Variants in PALMD observed in about 807,000 individuals in gnomAD.
The protein encoded by PALMD is palmdelphin, also known as paralemmin-like protein.
In PALMD, 42 loss-of-function variants were observed where a neutral mutation model predicts 56.2. The observed-to-expected ratio is 0.75, with a 90% CI of 0.58 to 0.97. The LOEUF is 0.97. PALMD is among the 50% of genes least tolerant of loss of function. The pLI is 0.00. For synonymous variants in PALMD, 242 were observed against 222.9 expected, an observed-to-expected ratio of 1.09 and a Z score of -0.76; for missense variants, 660 against 643.8, an observed-to-expected ratio of 1.03 and a Z score of -0.27.
chr1:99,652,731 AAAAGAAAAG>A (rs55727511), intron 1 of PALMD, among the ~76,000 whole-genome samples: 15,335 of 104,986 alleles, frequency 0.15, 955 homozygotes, highest in Middle Eastern at 0.18. Context: ...AAAAGAAAAG[AAAAGAAAAG>A]AAAGAAAACT....
At chr1:99,677,883 T>C (rs990386541) in intron 3 of PALMD, among the ~76,000 whole-genome samples, 14 of 152,180 alleles carry the variant, frequency 9.2e-5, no homozygotes, top group Non-Finnish European at 1.9e-4. Flanking sequence ...TCCTCATACA[T>C]ATTATTACAA....
intron 1 of PALMD, among the ~76,000 whole-genome samples, chr1:99,652,929 T>C (rs1336863702): frequency 6.6e-6 from 1 of 152,166 alleles, no homozygotes; most frequent in Non-Finnish European, 1.5e-5. Context: ...GAAGAGACTG[T>C]GGTGTCATTT....
intron 1 of PALMD, among the ~76,000 whole-genome samples, chr1:99,654,701 A>G (rs904819751): frequency 6.6e-6 from 1 of 152,194 alleles, no homozygotes; most frequent in African/African-American, 2.4e-5. Context: ...TATAAATCTT[A>G]TATAACATTA....
At chr1:99,684,235 TG>T (rs1653436405) in intron 3 of PALMD, 1 of 152,140 alleles carries the variant, frequency 6.6e-6, no homozygotes, top group African/African-American at 2.4e-5. Flanking sequence ...AAGCTAAAAA[TG>T]GTTTTTATAT....
chr1:99,673,885 G>A (rs770084445), intron 3 of PALMD, among the ~76,000 whole-genome samples: 13 of 152,110 alleles, frequency 8.5e-5, no homozygotes, highest in African/African-American at 2.2e-4. Context: ...AATAGATGAC[G>A]TATAGATGAA....
chr1:99,688,884 A>G lies in PALMD; in HGVS notation c.624A>G (p.Lys208=). ...PSDDFKGTGI[K]VYDDGQKSVY... ...ATGACTTTAAAGGTACAGGAATAAA[A>G]GTTTATGATGATGGGCAAAAGTCAG... Residue 208 remains lysine, a synonymous_variant, in exon 7 of 8, where the codon AAA becomes AAG. Transcript: ENST00000263174. 1 of 1,613,724 alleles carries G rather than the reference A, an allele frequency of 6.2e-7. No individual in the cohort carries two copies. Among genetic ancestry groups the G allele is most frequent in the Non-Finnish European group, 8.5e-7 (1 of 1,179,668 alleles).
intron 1 of PALMD, among the ~76,000 whole-genome samples, chr1:99,648,424 C>T (rs893861590): frequency 4.6e-5 from 7 of 152,124 alleles, no homozygotes; most frequent in Admixed American, 3.9e-4. Context: ...CTCTTTCCCC[C>T]TAGGAAAATA....
At position 99,667,842 on chromosome 1, in the gene PALMD, C is replaced by T. The variant is rs1050968874; in HGVS notation, c.251+76C>T. The stretch of plus-strand genomic sequence containing the variant: ...CCATGTTGTGCATAGACATGCCATT[C>T]TCACTTTCAGGGGCATAATCAAATC... On this transcript the variant is annotated intron_variant, in intron 3 of 7. Coordinates refer to ENST00000263174, the MANE Select transcript of PALMD (RefSeq NM_017734.5). The T allele has an allele frequency of 4.6e-6, 6 of 1,298,712 alleles. No homozygotes were observed. In the African/African-American group the frequency reaches 7.5e-5, roughly 16 times the overall value. The allele number at this position is 1,298,712 out of a possible 1,614,324, so 80.4% of individuals were successfully genotyped here.
rs1002728378 is a variant in PALMD at position 99,677,515 on chromosome 1, C to T, written c.252-9161C>T. On this transcript the variant is annotated intron_variant, in intron 3 of 7. Coordinates refer to ENST00000263174, the MANE Select transcript of PALMD (RefSeq NM_017734.5). ...TGCTTTGCTACCTCCTAAGGGATGC[C>T]CTTGGCTATACAGTCAAAGCCAGCT... Among the ~76,000 whole-genome samples the T allele has an allele frequency of 5.3e-5, 8 of 152,148 alleles. 1 individual carries two copies. In the South Asian group the frequency reaches 1.0e-3, roughly 20 times the overall value.
intron 1 of PALMD, among the ~76,000 whole-genome samples, chr1:99,656,106 G>A (rs192887092): frequency 9.2e-5 from 14 of 152,216 alleles, no homozygotes; most frequent in South Asian, 2.1e-4. Flanking sequence ...AACTCTCAGT[G>A]ATAGCAAATG....
At position 99,686,726 on chromosome 1, in the gene PALMD, C is replaced by A; in HGVS notation, c.302C>A (p.Thr101Lys). 6.2e-7 allele frequency: 1 copy of A among 1,609,210 alleles called. No homozygotes were observed. The highest frequency in any genetic ancestry group is 8.5e-7 in the Non-Finnish European group (1 of 1,176,766). ...GAAAAAGCTGAACTGCAAATCTCAA[C>A]GAAGGAAGAGGCCATTTTAAAGAAA... ...DLEKAELQIS[T>K]KEEAILKKLK... The change falls in exon 4 of 8, where the codon ACG (threonine) becomes AAG (lysine). Residue 101 changes from threonine (T) to lysine (K), a missense_variant. Thr to Lys is a moderately conservative substitution (Grantham distance 78). Coordinates refer to ENST00000263174, the MANE Select transcript of PALMD (RefSeq NM_017734.5).
chr1:99,655,340 C>T (rs780186120), intron 1 of PALMD, among the ~76,000 whole-genome samples: 3 of 150,054 alleles, frequency 2.0e-5, no homozygotes, highest in East Asian at 1.9e-4. Flanking sequence ...TTATTAAAAC[C>T]GTCTTAACCT....
chr1:99,689,462 A>G lies in PALMD; in HGVS notation c.1202A>G (p.His401Arg). ...DEEDVRYNIV[H>R]SLPPDINDTE... ...GAAGATGTCAGATATAATATCGTTC[A>G]TTCCCTGCCTCCAGACATAAATGAT... The change falls in exon 7 of 8, where the codon CAT becomes CGT. Residue 401 changes from histidine to arginine, a missense_variant. His to Arg is a conservative substitution (Grantham distance 29). Transcript: ENST00000263174. The G allele has an allele frequency of 6.2e-7, 1 of 1,613,806 alleles. No individual in the cohort carries two copies. Among genetic ancestry groups the G allele is most frequent in the Non-Finnish European group, 8.5e-7 (1 of 1,179,824 alleles).
intron 2 of PALMD, among the ~76,000 whole-genome samples, chr1:99,666,328 C>G (rs1295963696): frequency 1.3e-5 from 2 of 151,218 alleles, no homozygotes; most frequent in African/African-American, 2.4e-5. Flanking sequence ...CACAACTAAA[C>G]TTAATTTTAA....
intron 3 of PALMD, among the ~76,000 whole-genome samples, chr1:99,678,782 T>G (rs1255513865): frequency 6.6e-6 from 1 of 152,006 alleles, no homozygotes; most frequent in East Asian, 1.9e-4. Context: ...TAGGCAGAAT[T>G]CAATACTTAT....
At chr1:99,691,980 T>A (rs113340314) in intron 7 of PALMD, among the ~76,000 whole-genome samples, 1 of 152,136 alleles carries the variant, frequency 6.6e-6, no homozygotes, top group African/African-American at 2.4e-5. Flanking sequence ...ATTTTTTTAG[T>A]CAAAATTTTG....
rs942919221 is a variant in PALMD, at chr1:99,655,252, A to G, written c.46-7067A>G. On this transcript the variant is annotated intron_variant, in intron 1 of 7. Transcript: ENST00000263174. ...TCAGCTGAATTATGGTCATTTTTTA[A>G]AAGAAAATATGGATGAATAATTATT... Among the ~76,000 whole-genome samples the G allele has an allele frequency of 2.0e-5, 3 of 152,170 alleles. No homozygotes were observed. The East Asian group carries it at 5.8e-4, about 29-fold the overall frequency.
At position 99,650,285 on chromosome 1, in the gene PALMD, G is replaced by GAAA. The variant is rs200081370; in HGVS notation, c.45+3955_45+3957dup. Among the ~76,000 whole-genome samples the GAAA allele has an allele frequency of 9.1e-4, 106 of 116,958 alleles. 4 individuals are homozygous for GAAA. The highest frequency in any genetic ancestry group is 2.3e-3 in the South Asian group (7 of 3,006). The allele number at this position is 116,958 out of a possible 152,430, so 76.7% of individuals were successfully genotyped here. A position where few individuals can be genotyped will look rare whatever the true frequency, so the allele number is the denominator to read the frequency against. On this transcript the variant is annotated intron_variant, in intron 1 of 7. Coordinates refer to ENST00000263174, the MANE Select transcript of PALMD (RefSeq NM_017734.5). ...TTTGCCGGCCAAAGCTGCTCATAATGAAAAAAAAAAAAAAAAAAAAAAAAA... is the reference window on the plus strand; with the variant it reads ...TTTGCCGGCCAAAGCTGCTCATAATGAAAAAAAAAAAAAAAAAAAAAAAAAAAA...
intron 3 of PALMD, among the ~76,000 whole-genome samples, chr1:99,675,326 G>T (rs1032454049): frequency 1.3e-5 from 2 of 152,082 alleles, no homozygotes; most frequent in African/African-American, 4.8e-5. Flanking sequence ...AATACTTTTT[G>T]CCATTTCATT....
Sources: gnomAD v4.1 joint callset for allele counts (sites outside exome capture counted in the v4.1 genomes callset) on GRCh38, gnomAD v4.1.1 for gene constraint, MANE v1.5 for transcripts, NCBI Gene and HGNC (gene_info 2026-07-23, HGNC 2026-07-21) for gene names.